Variants in RHBDD1 observed in about 807,000 individuals in gnomAD.
The protein encoded by RHBDD1 is rhomboid domain containing 1.
RHBDD1 carries 38 observed loss-of-function variants against 36.3 expected under a neutral mutation model. The ratio of observed to expected loss-of-function variants is 1.05; its 90% CI spans 0.81 to 1.37. RHBDD1 has a LOEUF of 1.37. RHBDD1 is among the 40% of genes most tolerant of loss of function. The pLI is 0.00. For missense variants in RHBDD1, 393 were observed against 377.6 expected, an observed-to-expected ratio of 1.04 and a Z score of -0.34; for synonymous variants, 151 against 136.5, an observed-to-expected ratio of 1.11 and a Z score of -0.74.
chr2:226,854,830 T>TG (rs1430502520), intron 3 of RHBDD1, among the ~76,000 whole-genome samples: 3 of 152,026 alleles, frequency 2.0e-5, no homozygotes, highest in African/African-American at 7.3e-5. Flanking sequence ...TGGATTGAGG[T>TG]GGGGGGCACA....
At chr2:226,931,994 G>C (rs79724095) in intron 8 of RHBDD1, among the ~76,000 whole-genome samples, 2,464 of 152,080 alleles carry the variant, frequency 0.016, 59 homozygotes, top group African/African-American at 0.057. Context: ...GGTCTTCTTT[G>C]ATTTCTTTGA....
At chr2:226,827,408 G>T in the RHBDD1 span, among the ~76,000 whole-genome samples, 1 of 152,072 alleles carries the variant, frequency 6.6e-6, no homozygotes, top group East Asian at 1.9e-4. Flanking sequence ...CAAGAATATT[G>T]CACATGATGG....
Position 226,874,929 on chromosome 2 carries a change from AATTCCTGGTT to A in RHBDD1, c.566+7616_566+7625del, listed in dbSNP as rs569567116. Among the ~76,000 whole-genome samples the A allele has an allele frequency of 8.7e-3, 1,321 of 152,190 alleles. 8 individuals are homozygous for A. Among genetic ancestry groups the A allele is most frequent in the Non-Finnish European group, 0.014 (966 of 68,008 alleles). ...GCATGCCTTTTATTGTCTCCTTGTG[AATTCCTGGTT>A]ATTCAAAACCCAAATCACATAGTAT... On this transcript the variant is annotated intron_variant, in intron 5 of 8. Transcript: ENST00000392062.
intron 5 of RHBDD1, among the ~76,000 whole-genome samples, chr2:226,905,159 CT>C (rs11289309): frequency 0.47 from 68,018 of 143,938 alleles, 15,513 homozygotes; most frequent in South Asian, 0.56. Flanking sequence ...ATTTGCTTGG[CT>C]TTTTTTTTTT....
intron 4 of RHBDD1, 82 bp downstream of exon 4, chr2:226,865,208 C>A: frequency 1.8e-6 from 2 of 1,109,552 alleles, no homozygotes; most frequent in Middle Eastern, 2.1e-4. Context: ...AAGTGTGGGT[C>A]CCTATCAAAT....
chr2:226,962,782 A>AAAT (rs1263479942), intron 8 of RHBDD1, among the ~76,000 whole-genome samples: 4 of 152,228 alleles, frequency 2.6e-5, no homozygotes, highest in African/African-American at 9.6e-5. Flanking sequence ...ACCTATTTTA[A>AAAT]TGCCTTTTCT....
intron 7 of RHBDD1, among the ~76,000 whole-genome samples, chr2:226,911,948 A>G (rs535476611): frequency 6.6e-6 from 1 of 152,284 alleles, no homozygotes; most frequent in Admixed American, 6.5e-5. Context: ...ATCCTAAACC[A>G]TTTTATTTAA....
At chr2:226,814,863 G>A in the RHBDD1 span, among the ~76,000 whole-genome samples, 1 of 152,306 alleles carries the variant, frequency 6.6e-6, no homozygotes, top group East Asian at 1.9e-4. Context: ...CCTTAACCCT[G>A]CAAGTCCACA....
At chr2:226,958,956 G>C (rs2149256835) in intron 8 of RHBDD1, among the ~76,000 whole-genome samples, 1 of 152,092 alleles carries the variant, frequency 6.6e-6, no homozygotes, top group Admixed American at 6.5e-5. Flanking sequence ...CCATACTCTG[G>C]TTAGCGCGAT....
At chr2:226,932,522 G>A (rs963377144) in intron 8 of RHBDD1, among the ~76,000 whole-genome samples, 6 of 151,884 alleles carry the variant, frequency 4.0e-5, no homozygotes, top group Non-Finnish European at 5.9e-5. Flanking sequence ...TTAAGGATGG[G>A]CATGATTTAC....
intron 8 of RHBDD1, among the ~76,000 whole-genome samples, chr2:226,931,457 A>G (rs1950027286): frequency 1.3e-5 from 2 of 152,060 alleles, no homozygotes; most frequent in South Asian, 4.1e-4. Flanking sequence ...GCAAAGACAT[A>G]CAGAGTGGTT....
chr2:226,842,198 C>G (rs1428514363), intron 3 of RHBDD1, among the ~76,000 whole-genome samples: 3 of 151,986 alleles, frequency 2.0e-5, no homozygotes, highest in African/African-American at 7.3e-5. Flanking sequence ...AAACCTTTGT[C>G]AGATGGATAG....
At chr2:226,903,276 T>C (rs1947743003) in intron 5 of RHBDD1, among the ~76,000 whole-genome samples, 1 of 152,212 alleles carries the variant, frequency 6.6e-6, no homozygotes, top group East Asian at 1.9e-4. Flanking sequence ...AAACATTAAA[T>C]GGAAAATTCC....
chr2:226,804,446 T>C, the RHBDD1 span: 1 of 152,212 alleles, frequency 6.6e-6, no homozygotes, highest in Non-Finnish European at 1.5e-5. Context: ...TCTTCACCTG[T>C]GGGCTGTTTA....
intron 5 of RHBDD1, among the ~76,000 whole-genome samples, chr2:226,879,701 AT>A (rs1289068032): frequency 6.6e-6 from 1 of 152,250 alleles, no homozygotes. Flanking sequence ...TTGGTAGAAA[AT>A]AAAAACCAAT....
At chr2:226,951,968 G>A (rs534017181) in intron 8 of RHBDD1, among the ~76,000 whole-genome samples, 1 of 152,300 alleles carries the variant, frequency 6.6e-6, no homozygotes, top group African/African-American at 2.4e-5. Context: ...AATTTTGGTT[G>A]TTCTCAACCC....
intron 8 of RHBDD1, among the ~76,000 whole-genome samples, chr2:226,986,469 T>G (rs1956981890): frequency 6.6e-6 from 1 of 152,126 alleles, no homozygotes; most frequent in African/African-American, 2.4e-5. Context: ...AATAAAAAGT[T>G]TATTAAAAAA....
chr2:226,981,278 A>T (rs1020034897), intron 8 of RHBDD1, among the ~76,000 whole-genome samples: 2 of 152,128 alleles, frequency 1.3e-5, no homozygotes, highest in African/African-American at 4.8e-5. Flanking sequence ...TGCCGAGTTG[A>T]TGGGTGCAGC....
intron 3 of RHBDD1, among the ~76,000 whole-genome samples, chr2:226,840,505 T>A (rs1039008795): frequency 2.4e-4 from 36 of 152,230 alleles, no homozygotes; most frequent in Non-Finnish European, 5.9e-5. Flanking sequence ...CGCTTTAACA[T>A]AATACCCTAT....
Sources: allele counts gnomAD v4.1 joint callset (sites outside exome capture counted in the v4.1 genomes callset), GRCh38; gene constraint gnomAD v4.1.1; transcripts MANE v1.5; gene names NCBI Gene and HGNC (gene_info 2026-07-23, HGNC 2026-07-21).